Variants in PLCL1 observed in about 807,000 individuals in gnomAD.
PLCL1 encodes inactive phospholipase C-like protein 1.
PLCL1 carries 41 observed loss-of-function variants against 84.4 expected under a neutral mutation model. The observed-to-expected ratio is 0.49, with a 90% CI of 0.38 to 0.63. The LOEUF (loss-of-function observed/expected upper bound fraction) is 0.63, where lower values mean the gene tolerates loss of function less well. Ranked by LOEUF, PLCL1 falls within the 30% of genes least tolerant of loss-of-function variation. PLCL1 has a pLI of 0.00. For missense variants in PLCL1, 1,206 were observed against 1,367.8 expected (o/e 0.88, Z 1.87); for synonymous variants, 490 against 488.3 (o/e 1.00, Z -0.05).
chr2:197,897,799 CAT>C (rs1688184882), intron 1 of PLCL1, among the ~76,000 whole-genome samples: 1 of 152,142 alleles, frequency 6.6e-6, no homozygotes, highest in Admixed American at 6.6e-5. Context: ...AGAATTTTCA[CAT>C]ATGTCAGATC....
At position 197,804,736 on chromosome 2, in the gene PLCL1, C is replaced by T. The variant is rs1690428043; in HGVS notation, c.-364C>T. 1.2e-5 allele frequency: 2 copies of T among 171,034 alleles called. No individual in the cohort carries two copies. Among genetic ancestry groups the T allele is most frequent in the South Asian group, 3.6e-4 (2 of 5,498 alleles). The allele number at this position is 171,034 out of a possible 1,614,324, so 10.6% of individuals were successfully genotyped here. Reference sequence around the variant, plus strand: ...CCGGCGTCCGGGCTCCAGAGGCCGCCTGGCTGGGCGCCCGGTGCCTTTTGT... The same window carrying T: ...CCGGCGTCCGGGCTCCAGAGGCCGCTTGGCTGGGCGCCCGGTGCCTTTTGT... On this transcript the variant is annotated 5_prime_UTR_variant, in exon 1 of 6. Transcript: ENST00000428675.
chr2:197,964,983 G>T (rs1426721412), intron 1 of PLCL1, among the ~76,000 whole-genome samples: 1 of 151,922 alleles, frequency 6.6e-6, no homozygotes, highest in East Asian at 1.9e-4. Flanking sequence ...TGGTTTGATA[G>T]CATTTTATTG....
chr2:197,884,597 C>T (rs144404748), intron 1 of PLCL1, among the ~76,000 whole-genome samples: 70 of 152,296 alleles, frequency 4.6e-4, no homozygotes, highest in Middle Eastern at 3.4e-3. Flanking sequence ...GGCCCCTCTC[C>T]TTAGCAAATT....
intron 1 of PLCL1, among the ~76,000 whole-genome samples, chr2:197,924,472 A>C (rs1038961653): frequency 3.9e-5 from 6 of 152,188 alleles, no homozygotes; most frequent in Non-Finnish European, 8.8e-5. Context: ...TAACAACAAC[A>C]AACAGTAGCA....
At chr2:197,921,811 A>T (rs545110369) in intron 1 of PLCL1, among the ~76,000 whole-genome samples, 1 of 152,278 alleles carries the variant, frequency 6.6e-6, no homozygotes, top group Non-Finnish European at 1.5e-5. Flanking sequence ...TTCTCTCATC[A>T]GAATTTTTAC....
At chr2:197,814,710 T>G (rs1383187680) in intron 1 of PLCL1, among the ~76,000 whole-genome samples, 2 of 152,126 alleles carry the variant, frequency 1.3e-5, no homozygotes. Context: ...TAAGGAAAAG[T>G]GCTTGAAGGA....
intron 1 of PLCL1, among the ~76,000 whole-genome samples, chr2:198,080,133 G>A (rs1692675381): frequency 6.6e-6 from 1 of 152,166 alleles, no homozygotes; most frequent in South Asian, 2.1e-4. Context: ...CATCTAATGA[G>A]CTACACATTG....
intron 1 of PLCL1, among the ~76,000 whole-genome samples, chr2:197,830,777 A>G (rs1179567085): frequency 6.6e-6 from 1 of 152,176 alleles, no homozygotes; most frequent in Non-Finnish European, 1.5e-5. Flanking sequence ...AGAGAGAAAG[A>G]TCGGGTTACC....
intron 1 of PLCL1, among the ~76,000 whole-genome samples, chr2:198,028,645 G>T (rs1691331354): frequency 6.6e-6 from 1 of 152,062 alleles, no homozygotes; most frequent in Non-Finnish European, 1.5e-5. Context: ...CATATTTTTT[G>T]TACACAAACC....
At chr2:198,021,322 A>G (rs2105839826) in intron 1 of PLCL1, among the ~76,000 whole-genome samples, 1 of 152,328 alleles carries the variant, frequency 6.6e-6, no homozygotes, top group Middle Eastern at 3.4e-3. Context: ...GCACCCTAAC[A>G]TCACAATTCA....
chr2:197,867,123 G>C (rs1341329158), intron 1 of PLCL1, among the ~76,000 whole-genome samples: 1 of 152,146 alleles, frequency 6.6e-6, no homozygotes, highest in Non-Finnish European at 1.5e-5. Context: ...AGCCTTCCTT[G>C]TCCAATGTCA....
intron 1 of PLCL1, among the ~76,000 whole-genome samples, chr2:197,828,823 T>G (rs1202941750): frequency 6.6e-6 from 1 of 152,184 alleles, no homozygotes; most frequent in African/African-American, 2.4e-5. Context: ...TCTTTAACTG[T>G]CTTAAAACAA....
chr2:197,904,083 G>A (rs1341168374), intron 1 of PLCL1, among the ~76,000 whole-genome samples: 7 of 152,128 alleles, frequency 4.6e-5, no homozygotes, highest in African/African-American at 1.7e-4. Context: ...GATTACAGGC[G>A]TGAGCCACCA....
chr2:197,866,213 AGTTT>A (rs1317092697), intron 1 of PLCL1, among the ~76,000 whole-genome samples: 13 of 136,260 alleles, frequency 9.5e-5, no homozygotes, highest in African/African-American at 3.6e-4. Flanking sequence ...ATATATAGTT[AGTTT>A]AAGAAATGAG....
In PLCL1 at chr2:198,046,298, G is replaced by C. The variant is rs372788927; in HGVS notation, c.241-37460G>C. Among the ~76,000 whole-genome samples, 53 of 152,100 alleles carry C rather than the reference G, an allele frequency of 3.5e-4. 1 individual carries two copies. The highest frequency in any genetic ancestry group is 1.2e-3 in the African/African-American group (50 of 41,492). On this transcript the variant is annotated intron_variant, in intron 1 of 5. Coordinates refer to ENST00000428675, the MANE Select transcript of PLCL1 (RefSeq NM_006226.4). ...AGTTTAGTTAAACTTTTCCCTTATA[G>C]TACTGTATTTCTTAAACCTGATGGT...
chr2:197,986,489 T>C (rs1186413964), intron 1 of PLCL1, among the ~76,000 whole-genome samples: 2 of 152,196 alleles, frequency 1.3e-5, no homozygotes, highest in Non-Finnish European at 2.9e-5. Context: ...TAGCTAGGAC[T>C]ATAGTCATGC....
chr2:197,900,054 C>T (rs541306069), intron 1 of PLCL1, among the ~76,000 whole-genome samples: 1 of 152,196 alleles, frequency 6.6e-6, no homozygotes. Context: ...TTTCTAGTCC[C>T]ATACCTGCCT....
chr2:198,117,876 C>A (rs944058486), intron 5 of PLCL1, among the ~76,000 whole-genome samples: 1 of 151,828 alleles, frequency 6.6e-6, no homozygotes, highest in Non-Finnish European at 1.5e-5. Context: ...AAAAAGCCAG[C>A]AACTTCCTTC....
chr2:198,001,941 A>G (rs1303417053), intron 1 of PLCL1: 1 of 424,046 alleles, frequency 2.4e-6, no homozygotes, highest in South Asian at 1.7e-5. Context: ...ACTGTCTCCT[A>G]TCACCCCCAG....
Sources: gnomAD v4.1 joint callset for allele counts (sites outside exome capture counted in the v4.1 genomes callset) on GRCh38, gnomAD v4.1.1 for gene constraint, MANE v1.5 for transcripts, NCBI Gene and HGNC (gene_info 2026-07-23, HGNC 2026-07-21) for gene names.